The following USH2A variants were observed in gnomAD, a reference collection of about 807,000 sequenced individuals.
The protein encoded by USH2A is Usher syndrome 2A (autosomal recessive, mild).
Under a neutral mutation model 538.9 loss-of-function variants are expected in USH2A, and 443 were observed. The ratio of observed to expected loss-of-function variants is 0.82; its 90% CI spans 0.76 to 0.89. The LOEUF (loss-of-function observed/expected upper bound fraction) is 0.89, where lower values mean the gene tolerates loss of function less well. Among genes scored for constraint, USH2A ranks in the 40% least tolerant of loss-of-function variants. The pLI is 0.00. For synonymous variants in USH2A, 2,413 were observed against 2,273.5 expected (o/e 1.06, Z -1.75); for missense variants, 6,633 against 6,324.8 (o/e 1.05, Z -1.65).
Position 215,650,657 on chromosome 1 carries a change from T to C in USH2A, c.14278A>G (p.Lys4760Glu). The change falls in exon 65 of 72, where the codon AAG becomes GAG. Residue 4760 changes from lysine to glutamate, a missense_variant. Lys to Glu is a moderately conservative substitution (Grantham distance 56). Transcript: ENST00000307340. ...QAVVNISAPG[K>E]PNGIVSLYRL... The stretch of plus-strand genomic sequence containing the variant: ...TAGAGACTGACGATCCCGTTGGGCT[T>C]CCCAGGGGCACTGATGTTGACCACT... 6.2e-7 allele frequency: 1 copy of C among 1,614,132 alleles called. No homozygotes were observed. Among genetic ancestry groups the C allele is most frequent in the Non-Finnish European group, 8.5e-7 (1 of 1,180,030 alleles).
chr1:216,359,206 T>A (rs1558053388), intron 4 of USH2A, among the ~76,000 whole-genome samples: 1 of 152,092 alleles, frequency 6.6e-6, no homozygotes, highest in Non-Finnish European at 1.5e-5. Context: ...AGTAATACGG[T>A]CTTCATATTT....
At position 216,195,380 on chromosome 1, in the gene USH2A, GA is replaced by G. The variant is rs377759343; in HGVS notation, c.4251+1172del. ...GTCCCTTAAGAGCTGAAAGAATGTG[GA>G]AAAAAAGCAGAATTTAGTTTACAGA... On this transcript the variant is annotated intron_variant, in intron 19 of 71. Coordinates refer to ENST00000307340, the MANE Select transcript of USH2A (RefSeq NM_206933.4). Among the ~76,000 whole-genome samples the G allele has an allele frequency of 1.6e-4, 24 of 152,098 alleles. No individual in the cohort carries two copies. In the East Asian group the frequency reaches 2.9e-3, roughly 18 times the overall value.
intron 49 of USH2A, among the ~76,000 whole-genome samples, chr1:215,804,737 G>C (rs1662444321): frequency 6.6e-6 from 1 of 152,036 alleles, no homozygotes. Context: ...GATTCCTCAG[G>C]GATCTTGAAC....
At chr1:216,064,379 C>T (rs2031283381) in intron 30 of USH2A, among the ~76,000 whole-genome samples, 2 of 152,038 alleles carry the variant, frequency 1.3e-5, no homozygotes, top group African/African-American at 4.8e-5. Context: ...GTAGACAACT[C>T]AATTCATGTA....
chr1:216,324,332 C>G lies in USH2A; in HGVS notation c.1164G>C (p.Gln388His). Residue 388 changes from glutamine (Q) to histidine (H), a missense_variant, in exon 7 of 72, where the codon CAG becomes CAC. By Grantham distance (24) the Gln-to-His change is conservative. Transcript: ENST00000307340. Reference protein sequence around the residue: ...GQYQVFYIIIQFFSPQPTEIR... With the variant: ...GQYQVFYIIIHFFSPQPTEIR... ...TTTCCGTTGGTTGTGGACTAAAGAA[C>G]TGAATGATAATATAAAACACCTGAA... 1.1e-5 allele frequency: 18 copies of G among 1,611,854 alleles called. No individual in the cohort carries two copies. Among genetic ancestry groups the G allele is most frequent in the Non-Finnish European group, 1.5e-5 (18 of 1,178,856 alleles).
At chr1:215,904,991 A>C (rs1227003681) in intron 38 of USH2A, among the ~76,000 whole-genome samples, 1 of 152,146 alleles carries the variant, frequency 6.6e-6, no homozygotes, top group Non-Finnish European at 1.5e-5. Context: ...AGAAAACAAA[A>C]CACCAAATAG....
intron 14 of USH2A, among the ~76,000 whole-genome samples, chr1:216,222,629 G>C (rs188215308): frequency 4.5e-4 from 68 of 152,300 alleles, no homozygotes; most frequent in African/African-American, 1.6e-3. Flanking sequence ...GACATAAGCA[G>C]AGGTCCAAGG....
chr1:215,681,382 C>T (rs1490286072), intron 61 of USH2A, among the ~76,000 whole-genome samples: 9 of 151,902 alleles, frequency 5.9e-5, no homozygotes, highest in Admixed American at 5.9e-4. Flanking sequence ...TGCGTACCAT[C>T]CCCATTGGAT....
At chr1:215,704,843 C>T (rs73082813) in intron 61 of USH2A, among the ~76,000 whole-genome samples, 3,765 of 152,208 alleles carry the variant, frequency 0.025, 144 homozygotes, top group African/African-American at 0.086. Flanking sequence ...ACTTGTCTCT[C>T]TTCTCTGTTC....
intron 61 of USH2A, among the ~76,000 whole-genome samples, chr1:215,722,020 G>T (rs918367745): frequency 6.6e-6 from 1 of 151,214 alleles, no homozygotes; most frequent in African/African-American, 2.4e-5. Flanking sequence ...AGCTATGATG[G>T]TGCCACTGCA....
At chr1:215,893,747 G>C (rs1412644089) in intron 40 of USH2A, among the ~76,000 whole-genome samples, 1 of 152,134 alleles carries the variant, frequency 6.6e-6, no homozygotes, top group Non-Finnish European at 1.5e-5. Context: ...TGTGCTTTAA[G>C]TGCCCAGGGG....
chr1:216,138,683 G>A (rs996193429), intron 21 of USH2A, among the ~76,000 whole-genome samples: 1 of 151,980 alleles, frequency 6.6e-6, no homozygotes, highest in Admixed American at 6.6e-5. Flanking sequence ...ATAACATGTA[G>A]ATATTATCAT....
chr1:216,191,015 A>G (rs1194399881), intron 19 of USH2A, among the ~76,000 whole-genome samples: 1 of 152,058 alleles, frequency 6.6e-6, no homozygotes, highest in Non-Finnish European at 1.5e-5. Flanking sequence ...AGCAGATTTG[A>G]GCAAAGAAGA....
At chr1:216,031,385 T>A (rs980752874) in intron 32 of USH2A, among the ~76,000 whole-genome samples, 4 of 152,128 alleles carry the variant, frequency 2.6e-5, no homozygotes, top group African/African-American at 9.7e-5. Context: ...TTAAACACTA[T>A]TTAAAAGGAT....
chr1:215,902,794 A>C (rs1407969113), intron 38 of USH2A, among the ~76,000 whole-genome samples: 1 of 152,144 alleles, frequency 6.6e-6, no homozygotes, highest in African/African-American at 2.4e-5. Flanking sequence ...CAGTACATTC[A>C]AAGGCAGTAA....
intron 9 of USH2A, among the ~76,000 whole-genome samples, chr1:216,319,150 A>G (rs2037561826): frequency 6.6e-6 from 1 of 152,170 alleles, no homozygotes. Context: ...GCATTTTTTA[A>G]TTGGGGTGTT....
intron 3 of USH2A, among the ~76,000 whole-genome samples, chr1:216,378,445 T>C (rs2038875342): frequency 6.6e-6 from 1 of 151,972 alleles, no homozygotes; most frequent in Non-Finnish European, 1.5e-5. Flanking sequence ...TACTTACGAG[T>C]TTTCAACTTA....
chr1:215,795,660 TC>T (rs1662105290), intron 50 of USH2A, among the ~76,000 whole-genome samples: 1 of 152,176 alleles, frequency 6.6e-6, no homozygotes, highest in Admixed American at 6.6e-5. Flanking sequence ...TTTTGCACCC[TC>T]CCTGCCACCT....
chr1:215,948,443 TACAC>T (rs59062172), intron 37 of USH2A, among the ~76,000 whole-genome samples: 90 of 147,246 alleles, frequency 6.1e-4, no homozygotes, highest in South Asian at 2.4e-3. Context: ...TATATATATA[TACAC>T]ACACACACAC....
Sources: allele counts gnomAD v4.1 joint callset (sites outside exome capture counted in the v4.1 genomes callset), GRCh38; gene constraint gnomAD v4.1.1; transcripts MANE v1.5; gene names NCBI Gene and HGNC (gene_info 2026-07-23, HGNC 2026-07-21).